The following SLC19A1 variants were observed in gnomAD, a reference collection of about 807,000 sequenced individuals.
SLC19A1 encodes solute carrier family 19 member 1, also known as reduced folate transporter.
Under a neutral mutation model 35.3 loss-of-function variants are expected in SLC19A1, and 37 were observed. That is an observed-to-expected ratio of 1.05 (90% CI 0.81 to 1.38). The LOEUF (loss-of-function observed/expected upper bound fraction) is 1.38. SLC19A1 is among the 40% of genes most tolerant of loss of function. The pLI is 0.00. For synonymous variants in SLC19A1, 460 were observed against 398.5 expected (o/e 1.15, Z -1.84); for missense variants, 831 against 826.9 (o/e 1.00, Z -0.06).
downstream of SLC19A1, chr21:45,509,595 G>T (rs778307158): frequency 6.7e-7 from 1 of 1,484,726 alleles, no homozygotes; most frequent in East Asian, 2.5e-5. Flanking sequence ...GCGACTTCCA[G>T]CCGGTGGTGA....
rs2077842424 is a variant in SLC19A1, at chr21:45,530,693, G to A, written c.1151+77C>T. On this transcript the variant is annotated intron_variant, in intron 4 of 5. Transcript: ENST00000311124. The surrounding 1 kb of genome is among the most constrained non-coding windows in gnomAD (Gnocchi z 5.3). Reference sequence around the variant, plus strand: ...ACAGCCGCTGGGGCGCAGCAGGAAGGTGGGAGCACCCAGCGAAGCGCGGGG... The same window carrying A: ...ACAGCCGCTGGGGCGCAGCAGGAAGATGGGAGCACCCAGCGAAGCGCGGGG... 1 of 1,432,802 alleles carries A rather than the reference G, an allele frequency of 7.0e-7. No individual in the cohort carries two copies. The highest frequency in any genetic ancestry group is 1.4e-5 in the African/African-American group (1 of 69,700). The allele number at this position is 1,432,802 out of a possible 1,614,324, so 88.8% of individuals were successfully genotyped here.
In SLC19A1 at chr21:45,530,164, G is replaced by A. The variant is rs2077816373; in HGVS notation, c.1151+606C>T. Among the ~76,000 whole-genome samples, 1 of 150,082 alleles carries A rather than the reference G, an allele frequency of 6.7e-6. No individual in the cohort carries two copies. Among genetic ancestry groups the A allele is most frequent in the Non-Finnish European group, 1.5e-5 (1 of 67,540 alleles). Reference sequence around the variant, plus strand: ...GAGTGTGCATTGTGTGTCCGTGTGTGTGTGGTGCGTCCATGTGTAGTGGGT... The same window carrying A: ...GAGTGTGCATTGTGTGTCCGTGTGTATGTGGTGCGTCCATGTGTAGTGGGT... On this transcript the variant is annotated intron_variant, in intron 4 of 5. Coordinates refer to ENST00000311124, the MANE Select transcript of SLC19A1 (RefSeq NM_194255.4). This position sits in a 1 kb window ranked among gnomAD's most constrained non-coding sequence, Gnocchi z 5.3.
In SLC19A1 at chr21:45,505,400, G is replaced by A. The variant is rs2085904948; in HGVS notation, c.498-6788C>T. ...CCTCCGGGCCCCCCTGGGCCCCCTG[G>A]GCCCCCTGGAACCATGGGCGCCTCC... On this transcript the variant is annotated intron_variant, in intron 3 of 4. Transcript: ENST00000417954. 2.5e-6 allele frequency: 4 copies of A among 1,588,802 alleles called. No individual in the cohort carries two copies. The highest frequency in any genetic ancestry group is 3.4e-6 in the Non-Finnish European group (4 of 1,162,892).
chr21:45,550,601 C>T (rs963460095), intron 1 of SLC19A1, among the ~76,000 whole-genome samples: 9 of 152,254 alleles, frequency 5.9e-5, no homozygotes, highest in Non-Finnish European at 1.2e-4. Flanking sequence ...TCTCCATTCA[C>T]GGTTCAGGAT....
downstream of SLC19A1, among the ~76,000 whole-genome samples, chr21:45,507,989 A>G (rs965294747): frequency 5.3e-5 from 8 of 152,114 alleles, no homozygotes; most frequent in Non-Finnish European, 7.4e-5. Flanking sequence ...GGGTGAATCA[A>G]TGGGGAGGTG....
intron 1 of SLC19A1, among the ~76,000 whole-genome samples, chr21:45,559,339 A>G (rs2078593413): frequency 6.6e-6 from 1 of 152,070 alleles, no homozygotes; most frequent in Non-Finnish European, 1.5e-5. Context: ...CCATCTGTGT[A>G]TTTAGGTCGG....
At chr21:45,521,427 A>C (rs1201300766) in intron 5 of SLC19A1, among the ~76,000 whole-genome samples, 1 of 152,258 alleles carries the variant, frequency 6.6e-6, no homozygotes, top group Non-Finnish European at 1.5e-5. Context: ...AACACAGTAA[A>C]CACGTCAATT....
At chr21:45,507,343 G>C (rs925238647) in intron 3 of SLC19A1, 19 of 626,576 alleles carry the variant, frequency 3.0e-5, no homozygotes, top group African/African-American at 1.3e-4. Flanking sequence ...CGGGTGCTGG[G>C]CAGGGAGGGC....
At chr21:45,541,580 G>A (rs2078305328) in intron 1 of SLC19A1, among the ~76,000 whole-genome samples, 2 of 152,250 alleles carry the variant, frequency 1.3e-5, no homozygotes, top group Admixed American at 1.3e-4. Flanking sequence ...TGGCTTTCCT[G>A]CTGTAGCGGT....
chr21:45,542,070 C>T (rs1260438870), intron 1 of SLC19A1, among the ~76,000 whole-genome samples: 2 of 137,870 alleles, frequency 1.5e-5, no homozygotes, highest in Admixed American at 1.4e-4. Flanking sequence ...CTGCAGACCG[C>T]AGACCCCGGC....
At chr21:45,522,610 TAA>T (rs1395552347) in intron 5 of SLC19A1, among the ~76,000 whole-genome samples, 1 of 152,274 alleles carries the variant, frequency 6.6e-6, no homozygotes, top group Non-Finnish European at 1.5e-5. Flanking sequence ...GGTGAATAAA[TAA>T]AGTGTGCTGT....
chr21:45,530,955 G>T lies in SLC19A1; in HGVS notation c.966C>A (p.Phe322Leu). ...AGCGGATCTTCACGAAGCCCGCGGC[G>T]AAGGACGTGATGGCGCCTGAGAGGG... is the stretch of plus-strand genomic sequence containing the variant. ...ASTLLGAITS[F>L]AAGFVKIRWA... The change falls in exon 4 of 6, where the codon TTC becomes TTA. Residue 322 changes from phenylalanine to leucine, a missense_variant. Phe to Leu is a conservative substitution (Grantham distance 22). Transcript: ENST00000311124. This position sits in a 1 kb window ranked among gnomAD's most constrained non-coding sequence, Gnocchi z 5.3. 1.4e-6 allele frequency: 2 copies of T among 1,440,860 alleles called. No individual in the cohort carries two copies. The highest frequency in any genetic ancestry group is 9.1e-7 in the Non-Finnish European group (1 of 1,098,588). The allele number at this position is 1,440,860 out of a possible 1,614,324, so 89.3% of individuals were successfully genotyped here. A position where few individuals can be genotyped will look rare whatever the true frequency, so the allele number is the denominator to read the frequency against.
intron 1 of SLC19A1, among the ~76,000 whole-genome samples, chr21:45,541,024 A>AAAAG (rs139679117): frequency 6.6e-6 from 1 of 151,384 alleles, no homozygotes; most frequent in Non-Finnish European, 1.5e-5. Flanking sequence ...GCTAGTTTAA[A>AAAAG]AAGAAGAAGA....
chr21:45,505,536 T>C (rs2037147492), intron 3 of SLC19A1: 4 of 725,698 alleles, frequency 5.5e-6, no homozygotes, highest in East Asian at 2.7e-5. Context: ...CAGGGAGATA[T>C]ACAGGAGGCC....
chr21:45,558,059 C>T (rs923173040), intron 1 of SLC19A1, among the ~76,000 whole-genome samples: 1 of 152,250 alleles, frequency 6.6e-6, no homozygotes, highest in Non-Finnish European at 1.5e-5. Context: ...TGCCGAGTGG[C>T]TCCATATTCA....
At chr21:45,546,176 G>A (rs1170180650), upstream of SLC19A1, among the ~76,000 whole-genome samples, 6 of 152,220 alleles carry the variant, frequency 3.9e-5, no homozygotes, top group East Asian at 1.9e-4. Context: ...AGGCTGAGCC[G>A]GGCCACCGTC....
At chr21:45,561,440 A>G (rs1041487980) in intron 1 of SLC19A1, among the ~76,000 whole-genome samples, 46 of 152,324 alleles carry the variant, frequency 3.0e-4, no homozygotes, top group African/African-American at 1.1e-3. Flanking sequence ...GGTGGGTTCC[A>G]GCTGCAAGTG....
intron 3 of SLC19A1, among the ~76,000 whole-genome samples, chr21:45,503,639 G>A (rs1040767735): frequency 8.4e-6 from 1 of 119,086 alleles, no homozygotes; most frequent in Non-Finnish European, 1.7e-5. Context: ...ACTGTTGTGG[G>A]GTGGGGGGAG....
rs1172261991 is a variant in SLC19A1 at position 45,517,378 on chromosome 21, C to G, written c.1294-1238G>C. ...GCAAGGACCCCCCACCCTCGCCAGC[C>G]TGTAACAAGGACCCCCGAGTCCCCT... On this transcript the variant is annotated intron_variant, in intron 5 of 5. Coordinates refer to ENST00000311124, the MANE Select transcript of SLC19A1 (RefSeq NM_194255.4). This position sits in a 1 kb window ranked among gnomAD's most constrained non-coding sequence, Gnocchi z 4.4. Among the ~76,000 whole-genome samples, 1 of 151,952 alleles carries G rather than the reference C, an allele frequency of 6.6e-6. No individual in the cohort carries two copies. Among genetic ancestry groups the G allele is most frequent in the Non-Finnish European group, 1.5e-5 (1 of 67,964 alleles).
Sources: gnomAD v4.1 joint callset for allele counts (sites outside exome capture counted in the v4.1 genomes callset) on GRCh38, gnomAD v4.1.1 for gene constraint, Gnocchi (gnomAD v3.1) non-coding constraint, MANE v1.5 for transcripts, NCBI Gene and HGNC (gene_info 2026-07-23, HGNC 2026-07-21) for gene names.